Variants in SLC16A7 observed in about 807,000 individuals in gnomAD.
SLC16A7 encodes the protein monocarboxylate transporter 2.
Under a neutral mutation model 34.9 loss-of-function variants are expected in SLC16A7, and 33 were observed. The ratio of observed to expected loss-of-function variants is 0.94; its 90% CI spans 0.72 to 1.26. The LOEUF (loss-of-function observed/expected upper bound fraction) is 1.26. Among genes scored for constraint, SLC16A7 ranks in the 50% most tolerant of loss-of-function variants. The probability of loss-of-function intolerance (pLI) is 0.00; values close to 1 mark genes in which losing one functional copy is unlikely to be tolerated. For synonymous variants in SLC16A7, 201 were observed against 206.6 expected, an observed-to-expected ratio of 0.97 and a Z score of 0.23; for missense variants, 573 against 578.1, an observed-to-expected ratio of 0.99 and a Z score of 0.09.
intron 3 of SLC16A7, among the ~76,000 whole-genome samples, chr12:59,717,844 A>G (rs577361225): frequency 9.2e-5 from 14 of 152,322 alleles, no homozygotes; most frequent in African/African-American, 2.9e-4. Flanking sequence ...GGCTTATTAA[A>G]TGAAACAGCA....
chr12:59,612,704 A>G (rs1004109328), intron 1 of SLC16A7, among the ~76,000 whole-genome samples: 1 of 152,094 alleles, frequency 6.6e-6, no homozygotes, highest in African/African-American at 2.4e-5. Flanking sequence ...GATACCCTAA[A>G]TCATCTCTCT....
At chr12:59,700,727 A>G (rs1016671678) in intron 2 of SLC16A7, among the ~76,000 whole-genome samples, 1 of 151,688 alleles carries the variant, frequency 6.6e-6, no homozygotes, top group Non-Finnish European at 1.5e-5. Flanking sequence ...CTTTTGGTAG[A>G]GAAAGAGTGA....
intron 3 of SLC16A7, among the ~76,000 whole-genome samples, chr12:59,744,288 C>A (rs554424161): frequency 2.0e-5 from 3 of 152,230 alleles, no homozygotes; most frequent in East Asian, 1.9e-4. Context: ...AAACCCTAGG[C>A]TCTGCTGGCA....
In SLC16A7 at chr12:59,704,731, G is replaced by A. The variant is rs1873361836; in HGVS notation, c.-30-41G>A. 7.8e-6 allele frequency: 8 copies of A among 1,024,054 alleles called. No homozygotes were observed. In the East Asian group the frequency reaches 1.6e-4, roughly 20 times the overall value. The allele number at this position is 1,024,054 out of a possible 1,614,324, so 63.4% of individuals were successfully genotyped here. ...ACTATGAAGAGTGGTAAACAAAAGG[G>A]GAAATAAAATTTAAACTGTTATTTC... is the stretch of plus-strand genomic sequence containing the variant. On this transcript the variant is annotated intron_variant, in intron 2 of 5. Coordinates refer to ENST00000547379, the MANE Select transcript of SLC16A7 (RefSeq NM_001270623.2).
rs775213558 is a variant in SLC16A7, at chr12:59,783,247, T to C, written c.*3568T>C. On this transcript the variant is annotated 3_prime_UTR_variant, in exon 6 of 6. Coordinates refer to ENST00000547379, the MANE Select transcript of SLC16A7 (RefSeq NM_001270623.2). ...TTTAGGCTTAATTTAATAGGGAGAT[T>C]GGATGCATAGTGGAAAGGGAACTAA... 12 of 152,158 alleles carry C rather than the reference T, an allele frequency of 7.9e-5. No individual in the cohort carries two copies. Among genetic ancestry groups the C allele is most frequent in the Non-Finnish European group, 1.5e-4 (10 of 68,024 alleles). 9.4% of individuals were successfully genotyped at this position (152,158 alleles called of 1,614,324 possible).
rs1883078804 is a variant in SLC16A7 at position 59,779,513 on chromosome 12, G to C, written c.1271G>C (p.Gly424Ala). 1.2e-6 allele frequency: 2 copies of C among 1,612,900 alleles called. No individual in the cohort carries two copies. Among genetic ancestry groups the C allele is most frequent in the Non-Finnish European group, 1.7e-6 (2 of 1,179,292 alleles). ...VVAASVWLLI[G>A]NAINYRLLAK... is the part of the protein sequence containing the mutation. Reference sequence around the variant, plus strand: ...GCAGCAAGCGTGTGGCTGCTCATTGGCAATGCTATCAACTATAGATTGCTT... The same window carrying C: ...GCAGCAAGCGTGTGGCTGCTCATTGCCAATGCTATCAACTATAGATTGCTT... The change falls in exon 6 of 6, where the codon GGC becomes GCC. Residue 424 changes from glycine (G) to alanine (A), a missense_variant. Coordinates refer to ENST00000547379, the MANE Select transcript of SLC16A7 (RefSeq NM_001270623.2).
intron 1 of SLC16A7, among the ~76,000 whole-genome samples, chr12:59,643,508 A>G (rs1168748062): frequency 6.6e-6 from 1 of 152,070 alleles, no homozygotes; most frequent in African/African-American, 2.4e-5. Flanking sequence ...TGGAAGTTAC[A>G]GTGGAAGAGA....
chr12:59,763,251 T>C lies in SLC16A7; in HGVS notation c.218-7968T>C, dbSNP rs1462410292. Among the ~76,000 whole-genome samples, 3 of 152,174 alleles carry C rather than the reference T, an allele frequency of 2.0e-5. No homozygotes were observed. In the East Asian group the frequency reaches 5.8e-4, roughly 29 times the overall value. On this transcript the variant is annotated intron_variant, in intron 3 of 5. Transcript: ENST00000547379. The stretch of plus-strand genomic sequence containing the variant: ...TGTCTCAATTATATTTCTTTCTTGG[T>C]TTTTCTTGGTTTTTAATTGAGGTAC...
At chr12:59,722,247 C>T (rs767714210) in intron 3 of SLC16A7, among the ~76,000 whole-genome samples, 6 of 151,948 alleles carry the variant, frequency 3.9e-5, no homozygotes, top group Non-Finnish European at 7.4e-5. Context: ...CTTCTTTCAG[C>T]TGCATAACTT....
At chr12:59,773,753 C>T (rs1210433844) in intron 4 of SLC16A7, among the ~76,000 whole-genome samples, 5 of 151,714 alleles carry the variant, frequency 3.3e-5, no homozygotes, top group African/African-American at 7.3e-5. Context: ...TTAGTAGAGA[C>T]GGGGTTTCAC....
intron 3 of SLC16A7, among the ~76,000 whole-genome samples, chr12:59,764,587 G>GT (rs1032560325): frequency 6.6e-6 from 1 of 151,008 alleles, no homozygotes; most frequent in Admixed American, 6.6e-5. Context: ...GTGGTGTTTG[G>GT]TTTTTTGTCC....
Position 59,774,839 on chromosome 12 carries a change from G to T in SLC16A7, c.544G>T (p.Gly182Ter). 6.2e-7 allele frequency: 1 copy of T among 1,613,796 alleles called. No individual in the cohort carries two copies. Among genetic ancestry groups the T allele is most frequent in the Non-Finnish European group, 8.5e-7 (1 of 1,179,944 alleles). The change falls in exon 5 of 6, where the codon GGA becomes TGA. Residue 182 changes from glycine (G) to a stop codon, truncating the protein, a stop_gained. Transcript: ENST00000547379. LOFTEE classifies it high-confidence loss of function. ...CTGGAAAGGAAGCTTCCTGATTTTG[G>T]GAAGTCTACTTTTGAATGCCTGTGT... is the stretch of plus-strand genomic sequence containing the variant. Reference protein sequence around the residue: ...FGWKGSFLILGSLLLNACVAG... With the variant: ...FGWKGSFLIL
intron 3 of SLC16A7, among the ~76,000 whole-genome samples, chr12:59,751,739 T>A (rs1434264657): frequency 6.6e-6 from 1 of 152,174 alleles, no homozygotes; most frequent in Admixed American, 6.5e-5. Context: ...GTCTGACAGC[T>A]TTGAAGAGAG....
intron 3 of SLC16A7, among the ~76,000 whole-genome samples, chr12:59,739,540 G>A (rs11173127): frequency 0.025 from 3,554 of 143,372 alleles, 154 homozygotes; most frequent in African/African-American, 0.089. Flanking sequence ...ATGATTTATA[G>A]TCCTTTGGGT....
At chr12:59,654,294 A>C (rs1202062294) in intron 1 of SLC16A7, among the ~76,000 whole-genome samples, 1 of 151,314 alleles carries the variant, frequency 6.6e-6, no homozygotes. Context: ...AATAACAATT[A>C]TTATAATCAA....
intron 1 of SLC16A7, among the ~76,000 whole-genome samples, chr12:59,610,334 C>T (rs1879137469): frequency 6.6e-6 from 1 of 152,186 alleles, no homozygotes. Flanking sequence ...CTTTGTGACT[C>T]TTCCACATGT....
At position 59,699,042 on chromosome 12, in the gene SLC16A7, CA is replaced by C. The variant is rs533252272; in HGVS notation, c.-30-5729del. Among the ~76,000 whole-genome samples, 283 of 151,636 alleles carry C rather than the reference CA, an allele frequency of 1.9e-3. 2 individuals are homozygous for C. The highest frequency in any genetic ancestry group is 6.0e-3 in the African/African-American group (248 of 41,484). On this transcript the variant is annotated intron_variant, in intron 2 of 5. Coordinates refer to ENST00000547379, the MANE Select transcript of SLC16A7 (RefSeq NM_001270623.2). ...AGCAGAGTATTCACCAGTATGTTTA[CA>C]TAGTTTACTCTAGTGTTAGGATTGT...
At chr12:59,612,475 GC>G (rs1157319870) in intron 1 of SLC16A7, among the ~76,000 whole-genome samples, 47 of 152,296 alleles carry the variant, frequency 3.1e-4, no homozygotes, top group African/African-American at 1.1e-3. Flanking sequence ...AGGAGGGGCA[GC>G]GATGAAAGTC....
At chr12:59,604,967 C>T (rs375755512) in intron 1 of SLC16A7, among the ~76,000 whole-genome samples, 1 of 152,320 alleles carries the variant, frequency 6.6e-6, no homozygotes, top group African/African-American at 2.4e-5. Context: ...TCGCCTCAGC[C>T]TCCCAAGTAG....
Sources: allele counts gnomAD v4.1 joint callset (sites outside exome capture counted in the v4.1 genomes callset), GRCh38; gene constraint gnomAD v4.1.1; transcripts MANE v1.5; gene names NCBI Gene and HGNC (gene_info 2026-07-23, HGNC 2026-07-21).